CTNNA3: variants seen among roughly 807,000 people sequenced by gnomAD.
CTNNA3 encodes the protein catenin alpha 3.
A neutral mutation model predicts 95.7 loss-of-function variants in CTNNA3; 76 were observed. The observed-to-expected ratio is 0.79, with a 90% CI of 0.66 to 0.96. CTNNA3 has a LOEUF of 0.96. Among genes scored for constraint, CTNNA3 ranks in the 40% least tolerant of loss-of-function variants. The pLI is 0.00. For missense variants in CTNNA3, 1,191 were observed against 1,089.8 expected (o/e 1.09, Z -1.31); for synonymous variants, 431 against 374.4 (o/e 1.15, Z -1.74).
At chr10:66,439,334 CA>C (rs1168525274) in intron 11 of CTNNA3, among the ~76,000 whole-genome samples, 1 of 151,986 alleles carries the variant, frequency 6.6e-6, no homozygotes, top group Non-Finnish European at 1.5e-5. Flanking sequence ...CTATTTACAT[CA>C]TCACAACAAT....
intron 6 of CTNNA3, among the ~76,000 whole-genome samples, chr10:67,219,279 A>G (rs1864534614): frequency 6.6e-6 from 1 of 152,236 alleles, no homozygotes; most frequent in East Asian, 1.9e-4. Flanking sequence ...CACATAGAAC[A>G]GTAATGCCAA....
At chr10:67,366,202 C>A (rs1047244508) in intron 5 of CTNNA3, among the ~76,000 whole-genome samples, 1 of 151,990 alleles carries the variant, frequency 6.6e-6, no homozygotes, top group African/African-American at 2.4e-5. Context: ...ACACCAGGGC[C>A]TGTCGGGGGT....
Position 67,621,762 on chromosome 10 carries a change from AG to A in CTNNA3, c.100-14714del, listed in dbSNP as rs57678173. On this transcript the variant is annotated intron_variant, in intron 2 of 17. Transcript: ENST00000433211. ...AGACATCATCTCAAAAAAAAAAAAA[AG>A]AAAAGAAAAGAAAACGGTCAGTCTA... 2.3e-3 allele frequency among the ~76,000 whole-genome samples: 279 copies of A among 119,366 alleles called. 1 individual carries two copies. The highest frequency in any genetic ancestry group is 9.3e-3 in the African/African-American group (217 of 23,388). The allele number at this position is 119,366 out of a possible 152,430, so 78.3% of individuals were successfully genotyped here. A position where few individuals can be genotyped will look rare whatever the true frequency, so the allele number is the denominator to read the frequency against.
intron 13 of CTNNA3, among the ~76,000 whole-genome samples, chr10:66,170,422 A>T (rs1181002363): frequency 1.3e-5 from 2 of 151,844 alleles, no homozygotes; most frequent in East Asian, 3.9e-4. Flanking sequence ...ACATATCAAG[A>T]TCTTTTAGAA....
chr10:66,433,545 C>A (rs1439399312), intron 11 of CTNNA3, among the ~76,000 whole-genome samples: 1 of 152,072 alleles, frequency 6.6e-6, no homozygotes, highest in African/African-American at 2.4e-5. Context: ...GGATATTAGC[C>A]CTTTGTCAAA....
chr10:67,350,673 A>G (rs1245423067), intron 5 of CTNNA3, among the ~76,000 whole-genome samples: 2 of 151,828 alleles, frequency 1.3e-5, no homozygotes, highest in African/African-American at 2.4e-5. Context: ...GCCTAATAGA[A>G]TGACTAAATA....
chr10:67,181,951 G>A (rs1862570510), intron 6 of CTNNA3, among the ~76,000 whole-genome samples: 1 of 152,026 alleles, frequency 6.6e-6, no homozygotes, highest in African/African-American at 2.4e-5. Flanking sequence ...TTGCTACAAA[G>A]AGAATAAAAT....
chr10:67,023,487 G>A (rs964192482), intron 7 of CTNNA3, among the ~76,000 whole-genome samples: 1 of 152,088 alleles, frequency 6.6e-6, no homozygotes, highest in African/African-American at 2.4e-5. Flanking sequence ...TACCCCTAGA[G>A]CTGATTATTT....
intron 2 of CTNNA3, among the ~76,000 whole-genome samples, 183 bp downstream of exon 2, chr10:67,647,232 C>G (rs551987617): frequency 3.2e-4 from 48 of 149,404 alleles, no homozygotes; most frequent in Non-Finnish European, 6.1e-4. Flanking sequence ...AGAATACATA[C>G]TTTTTCACAT....
intron 10 of CTNNA3, among the ~76,000 whole-genome samples, chr10:66,554,136 T>A (rs938089252): frequency 4.6e-5 from 7 of 152,058 alleles, no homozygotes; most frequent in African/African-American, 1.7e-4. Flanking sequence ...TAGTCCTCCA[T>A]CTGGAAGAAT....
In CTNNA3 at chr10:66,927,312, G is replaced by A. The variant is rs1847135870; in HGVS notation, c.1048-151788C>T. On this transcript the variant is annotated intron_variant, in intron 7 of 17. Transcript: ENST00000433211. This position sits in a 1 kb window ranked among gnomAD's most constrained non-coding sequence, Gnocchi z 4.7. Reference sequence around the variant, plus strand: ...TTCTTAACAATACCTTCAGACCTGTGACAAATTTACGGAACTTGGATCTGT... The same window carrying A: ...TTCTTAACAATACCTTCAGACCTGTAACAAATTTACGGAACTTGGATCTGT... 6.2e-7 allele frequency: 1 copy of A among 1,614,132 alleles called. No homozygotes were observed. Among genetic ancestry groups the A allele is most frequent in the Non-Finnish European group, 8.5e-7 (1 of 1,180,040 alleles).
At chr10:67,073,499 T>C (rs772679094) in intron 7 of CTNNA3, among the ~76,000 whole-genome samples, 22 of 152,210 alleles carry the variant, frequency 1.4e-4, no homozygotes, top group Non-Finnish European at 2.8e-4. Flanking sequence ...GTAAAAACTC[T>C]CGTTTGTCAA....
At position 67,565,963 on chromosome 10, in the gene CTNNA3, T is replaced by C. The variant is rs891299135; in HGVS notation, c.293-26294A>G. Among the ~76,000 whole-genome samples, 6 of 130,522 alleles carry C rather than the reference T, an allele frequency of 4.6e-5. 1 individual carries two copies. The highest frequency in any genetic ancestry group is 1.8e-4 in the African/African-American group (6 of 33,822). 85.6% of individuals were successfully genotyped at this position (130,522 alleles called of 152,430 possible). On this transcript the variant is annotated intron_variant, in intron 3 of 17. Coordinates refer to ENST00000433211, the MANE Select transcript of CTNNA3 (RefSeq NM_013266.4). ...ATCAAACTCAGTGTCCATCAATAGA[T>C]GAATGGATAAAGAAAATGCAGTATA...
At chr10:66,957,419 T>TATGC in intron 7 of CTNNA3, among the ~76,000 whole-genome samples, 1 of 32,984 alleles carries the variant, frequency 3.0e-5, no homozygotes, top group South Asian at 7.7e-4. Context: ...TATATGCATA[T>TATGC]ATATATATGC....
At chr10:67,562,042 C>A (rs1432376234) in intron 3 of CTNNA3, among the ~76,000 whole-genome samples, 1 of 152,090 alleles carries the variant, frequency 6.6e-6, no homozygotes, top group East Asian at 1.9e-4. Flanking sequence ...GGATTCACAG[C>A]CAAATTCTAC....
intron 12 of CTNNA3, among the ~76,000 whole-genome samples, chr10:66,296,801 C>G (rs575318012): frequency 6.6e-6 from 1 of 152,068 alleles, no homozygotes; most frequent in Non-Finnish European, 1.5e-5. Flanking sequence ...CTGGCTTTAA[C>G]ACATCCACAA....
intron 11 of CTNNA3, among the ~76,000 whole-genome samples, chr10:66,405,771 C>T (rs2093052477): frequency 6.6e-6 from 1 of 152,102 alleles, no homozygotes; most frequent in African/African-American, 2.4e-5. Context: ...CTTGCAAGGT[C>T]TTGCTTTTTC....
In CTNNA3 at chr10:65,969,545, G is replaced by C. The variant is rs143368403; in HGVS notation, c.2266-2799C>G. On this transcript the variant is annotated intron_variant, in intron 16 of 17. Coordinates refer to ENST00000433211, the MANE Select transcript of CTNNA3 (RefSeq NM_013266.4). ...CAAAGAAACTTTTTAAAGCAATCCA[G>C]AGAATGAAGGAAGAGATAAACATCT... Among the ~76,000 whole-genome samples, 100 of 152,222 alleles carry C rather than the reference G, an allele frequency of 6.6e-4. 2 individuals carry two copies. The highest frequency in any genetic ancestry group is 2.3e-3 in the African/African-American group (97 of 41,548).
chr10:67,648,315 A>C (rs1281721270), intron 1 of CTNNA3, among the ~76,000 whole-genome samples: 1 of 152,190 alleles, frequency 6.6e-6, no homozygotes, highest in African/African-American at 2.4e-5. Flanking sequence ...AATAGCTATA[A>C]TATATTATTT....
Sources: allele counts gnomAD v4.1 joint callset (sites outside exome capture counted in the v4.1 genomes callset), GRCh38; gene constraint gnomAD v4.1.1; non-coding constraint Gnocchi (gnomAD v3.1); transcripts MANE v1.5; gene names NCBI Gene and HGNC (gene_info 2026-07-23, HGNC 2026-07-21).